LDHAL6A: variants seen among roughly 807,000 people sequenced by gnomAD.
LDHAL6A encodes L-lactate dehydrogenase A-like 6A.
Under a neutral mutation model 28.2 loss-of-function variants are expected in LDHAL6A, and 19 were observed. That is an observed-to-expected ratio of 0.67 (90% CI 0.47 to 0.99). LDHAL6A has a LOEUF of 0.99. LDHAL6A is among the 50% of genes least tolerant of loss of function. LDHAL6A has a pLI of 0.00. For missense variants in LDHAL6A, 372 were observed against 398.6 expected, an observed-to-expected ratio of 0.93 and a Z score of 0.57; for synonymous variants, 144 against 134.4, an observed-to-expected ratio of 1.07 and a Z score of -0.49.
chr11:18,470,306 G>GT (rs1467598077), intron 3 of LDHAL6A, among the ~76,000 whole-genome samples: 1 of 152,218 alleles, frequency 6.6e-6, no homozygotes, highest in Non-Finnish European at 1.5e-5. Flanking sequence ...TTTCTCAGGC[G>GT]TAGGTACTAA....
chr11:18,458,699 C>T (rs939104853), intron 1 of LDHAL6A, among the ~76,000 whole-genome samples: 1 of 152,110 alleles, frequency 6.6e-6, no homozygotes, highest in Non-Finnish European at 1.5e-5. Flanking sequence ...GTGGTATGAA[C>T]CTTGTAGAGA....
intron 4 of LDHAL6A, 110 bp from the exon 5 acceptor site, chr11:18,476,274 A>C: frequency 7.9e-7 from 1 of 1,265,426 alleles, no homozygotes; most frequent in East Asian, 2.5e-5. Flanking sequence ...ATATCGGAAC[A>C]TTCCTAGTTG....
chr11:18,465,634 C>G lies in LDHAL6A; in HGVS notation c.245-3C>G. Reference sequence around the variant, plus strand: ...TCGATTGTTTATTCTAATCTTTCCTCAGATTACCTGGTCACTGCAAACTCC... The same window carrying G: ...TCGATTGTTTATTCTAATCTTTCCTGAGATTACCTGGTCACTGCAAACTCC... On this transcript the variant is annotated splice_polypyrimidine_tract_variant and splice_region_variant and intron_variant, in intron 2 of 6. Coordinates refer to ENST00000280706, the MANE Select transcript of LDHAL6A (RefSeq NM_144972.5). 1 of 1,608,818 alleles carries G rather than the reference C, an allele frequency of 6.2e-7. No homozygotes were observed. Among genetic ancestry groups the G allele is most frequent in the South Asian group, 1.1e-5 (1 of 90,216 alleles).
In LDHAL6A at chr11:18,476,297, G is replaced by A. The variant is rs1590262120; in HGVS notation, c.593-87G>A. The stretch of plus-strand genomic sequence containing the variant: ...ACATTCCTAGTTGGAAATCACTCAG[G>A]GCAATTATAACAGTTTTGCTGAGGT... On this transcript the variant is annotated intron_variant, in intron 4 of 6. Coordinates refer to ENST00000280706, the MANE Select transcript of LDHAL6A (RefSeq NM_144972.5). 4.8e-6 allele frequency: 7 copies of A among 1,465,516 alleles called. No homozygotes were observed. The East Asian group carries it at 1.7e-4, about 35-fold the overall frequency. The allele number at this position is 1,465,516 out of a possible 1,614,324, so 90.8% of individuals were successfully genotyped here.
rs67628824 is a variant in LDHAL6A at position 18,464,977 on chromosome 11, G to GTTTTTTTTTTTTTTTTTTTTTTTTTTT, written c.245-651_245-650insTTTTTTTTTTTTTTTTTTTTTTTTTTT. ...TTTTAGGAGGTGAGGTGTTTTTTTTGTTTTTTTTTGTTTTGTTTTGTTTTG... is the reference window on the plus strand; with the variant it reads ...TTTTAGGAGGTGAGGTGTTTTTTTTGTTTTTTTTTTTTTTTTTTTTTTTTTTTTTTTTTTTTGTTTTGTTTTGTTTTG... On this transcript the variant is annotated intron_variant, in intron 2 of 6. Coordinates refer to ENST00000280706, the MANE Select transcript of LDHAL6A (RefSeq NM_144972.5). Among the ~76,000 whole-genome samples the GTTTTTTTTTTTTTTTTTTTTTTTTTTT allele has an allele frequency of 8.0e-4, 100 of 125,500 alleles. 8 individuals are homozygous for GTTTTTTTTTTTTTTTTTTTTTTTTTTT. Among genetic ancestry groups the GTTTTTTTTTTTTTTTTTTTTTTTTTTT allele is most frequent in the African/African-American group, 1.2e-3 (35 of 29,790 alleles). The allele number at this position is 125,500 out of a possible 152,430, so 82.3% of individuals were successfully genotyped here. A position where few individuals can be genotyped will look rare whatever the true frequency, so the allele number is the denominator to read the frequency against.
At chr11:18,471,698 G>A (rs902241496) in intron 3 of LDHAL6A, among the ~76,000 whole-genome samples, 2 of 150,274 alleles carry the variant, frequency 1.3e-5, no homozygotes, top group African/African-American at 4.9e-5. Context: ...GCTGAGGCGG[G>A]AGGATTGCTT....
chr11:18,464,102 T>C (rs780476088), intron 2 of LDHAL6A, 24 bp downstream of exon 2: 1 of 1,377,918 alleles, frequency 7.3e-7, no homozygotes. Flanking sequence ...TTAAATACTA[T>C]AAATATTCTA....
intron 2 of LDHAL6A, among the ~76,000 whole-genome samples, chr11:18,464,750 G>A (rs548433844): frequency 1.3e-5 from 2 of 150,444 alleles, no homozygotes; most frequent in Non-Finnish European, 3.0e-5. Context: ...GTAGGGATTT[G>A]AACTCAGTTC....
intron 5 of LDHAL6A, 30 bp downstream of exon 5, chr11:18,476,531 C>T: frequency 1.2e-6 from 2 of 1,607,172 alleles, no homozygotes; most frequent in Non-Finnish European, 1.7e-6. Flanking sequence ...TTTTCAGTAC[C>T]TTAGAAGTTG....
Position 18,456,479 on chromosome 11 carries a change from G to T in LDHAL6A, c.-202G>T. On this transcript the variant is annotated 5_prime_UTR_variant, in exon 1 of 7. The change abolishes an upstream ATG in the 5' untranslated region. Coordinates refer to ENST00000280706, the MANE Select transcript of LDHAL6A (RefSeq NM_144972.5). Reference sequence around the variant, plus strand: ...CCTTCCCCTGGTCCGCTTCATGGATGCTGAGCTGCCTGGCCAGAACCTACC... The same window carrying T: ...CCTTCCCCTGGTCCGCTTCATGGATTCTGAGCTGCCTGGCCAGAACCTACC... 1 of 553,608 alleles carries T rather than the reference G, an allele frequency of 1.8e-6. No individual in the cohort carries two copies. Among genetic ancestry groups the T allele is most frequent in the Non-Finnish European group, 3.2e-6 (1 of 313,628 alleles). 34.3% of individuals were successfully genotyped at this position (553,608 alleles called of 1,614,324 possible).
At chr11:18,470,121 G>A (rs1025295258) in intron 3 of LDHAL6A, among the ~76,000 whole-genome samples, 63 of 152,320 alleles carry the variant, frequency 4.1e-4, no homozygotes, top group Non-Finnish European at 5.3e-4. Flanking sequence ...TACAGATGGG[G>A]TTTTACCATG....
Position 18,465,615 on chromosome 11 carries a change from GTTTA to G in LDHAL6A, c.245-19_245-16del, listed in dbSNP as rs1011918731. On this transcript the variant is annotated intron_variant, in intron 2 of 6. Coordinates refer to ENST00000280706, the MANE Select transcript of LDHAL6A (RefSeq NM_144972.5). ...CAGATGTTTTCTTTCATAATCGATT[GTTTA>G]TTCTAATCTTTCCTCAGATTACCTG... The G allele has an allele frequency of 1.3e-6, 2 of 1,597,816 alleles. No homozygotes were observed. Among genetic ancestry groups the G allele is most frequent in the Non-Finnish European group, 1.7e-6 (2 of 1,170,064 alleles).
rs1160214923 is a variant in LDHAL6A at position 18,455,882 on chromosome 11, TCACACCTGC to T, written c.-796_-788del. The T allele has an allele frequency of 2.3e-4, 1 of 4,298 alleles. No individual in the cohort carries two copies. The highest frequency in any genetic ancestry group is 4.5e-4 in the Non-Finnish European group (1 of 2,232). The allele number at this position is 4,298 out of a possible 1,614,324, so 0.3% of individuals were successfully genotyped here. A position where few individuals can be genotyped will look rare whatever the true frequency, so the allele number is the denominator to read the frequency against. On this transcript the variant is annotated 5_prime_UTR_variant, in exon 1 of 7. Transcript: ENST00000280706. Reference sequence around the variant, plus strand: ...CTTCCGGCCTCACACCTGCCAAGCATCACACCTGCCAAGCATCACACCTGCCAAGCATCA... The same window carrying T: ...CTTCCGGCCTCACACCTGCCAAGCATCAAGCATCACACCTGCCAAGCATCA...
rs201210850 is a variant in LDHAL6A at position 18,475,654 on chromosome 11, C to T, written c.592+15C>T. 168 of 1,599,220 alleles carry T rather than the reference C, an allele frequency of 1.1e-4. 1 individual carries two copies. The East Asian group carries it at 2.6e-3, about 25-fold the overall frequency. On this transcript the variant is annotated intron_variant, in intron 4 of 6. Transcript: ENST00000280706. Reference sequence around the variant, plus strand: ...CGACTCAAGTGGTAAGCCTGAGGCACGATTGAGCCTCTGAAATATCTATTT... The same window carrying T: ...CGACTCAAGTGGTAAGCCTGAGGCATGATTGAGCCTCTGAAATATCTATTT...
Position 18,456,348 on chromosome 11 carries a change from G to T in LDHAL6A, c.-333G>T. The T allele has an allele frequency of 4.1e-6, 1 of 243,904 alleles. No individual in the cohort carries two copies. Among genetic ancestry groups the T allele is most frequent in the Non-Finnish European group, 7.9e-6 (1 of 126,128 alleles). 15.1% of individuals were successfully genotyped at this position (243,904 alleles called of 1,614,324 possible). On this transcript the variant is annotated 5_prime_UTR_variant, in exon 1 of 7. Coordinates refer to ENST00000280706, the MANE Select transcript of LDHAL6A (RefSeq NM_144972.5). ...GGGAGAGAAAAGGGGGTCAGCTGCG[G>T]GACGGAGTGCCGTCCCAGCTGTAGT...
At chr11:18,464,714 T>C in intron 2 of LDHAL6A, among the ~76,000 whole-genome samples, 1 of 136,404 alleles carries the variant, frequency 7.3e-6, no homozygotes, top group Admixed American at 7.4e-5. Flanking sequence ...AAACTCTGTC[T>C]CAAAAAAAAA....
At chr11:18,463,805 T>TATA (rs1346333072) in intron 1 of LDHAL6A, among the ~76,000 whole-genome samples, 156 bp from the exon 2 acceptor site, 2 of 152,256 alleles carry the variant, frequency 1.3e-5, no homozygotes, top group African/African-American at 4.8e-5. Context: ...GGTTTAGACT[T>TATA]TTATATCATG....
intron 3 of LDHAL6A, among the ~76,000 whole-genome samples, chr11:18,467,914 TATATACACACAC>T (rs1565070968): frequency 1.3e-4 from 8 of 63,898 alleles, no homozygotes; most frequent in South Asian, 6.2e-4. Flanking sequence ...TATATATATA[TATATACACACAC>T]ATATATATAT....
chr11:18,465,706 C>G lies in LDHAL6A; in HGVS notation c.314C>G (p.Thr105Arg), dbSNP rs1045971885. ...TAGARQKKGETRLDLVQRNVS... is the reference protein window; with the variant it reads ...TAGARQKKGERRLDLVQRNVS... ...GGTGCACGCCAGAAAAAAGGAGAAA[C>G]ACGCCTTGATTTAGTCCAGCGAAAT... is the stretch of plus-strand genomic sequence containing the variant. Residue 105 changes from threonine (T) to arginine (R), a missense_variant, in exon 3 of 7, where the codon ACA (threonine) becomes AGA (arginine). This residue lies in a region of LDHAL6A where 291 missense variants were observed against 302.9 expected (regional missense o/e 0.96). Coordinates refer to ENST00000280706, the MANE Select transcript of LDHAL6A (RefSeq NM_144972.5). The G allele has an allele frequency of 6.2e-7, 1 of 1,613,752 alleles. No homozygotes were observed. The highest frequency in any genetic ancestry group is 2.2e-5 in the East Asian group (1 of 44,868).
Sources: gnomAD v4.1 joint callset for allele counts (sites outside exome capture counted in the v4.1 genomes callset) on GRCh38, gnomAD v4.1.1 for gene constraint, gnomAD v4.1.1 regional missense constraint, MANE v1.5 for transcripts, NCBI Gene and HGNC (gene_info 2026-07-23, HGNC 2026-07-21) for gene names.